Variants in TPM1 observed in about 807,000 individuals in gnomAD.
The protein encoded by TPM1 is tropomyosin 1, also known as tropomyosin alpha-1 chain.
A neutral mutation model predicts 42.9 loss-of-function variants in TPM1; 24 were observed. The ratio of observed to expected loss-of-function variants is 0.56; its 90% CI spans 0.41 to 0.79. TPM1 has a LOEUF of 0.79. Among genes scored for constraint, TPM1 ranks in the 30% least tolerant of loss-of-function variants. The pLI is 0.00. For missense variants in TPM1, 158 were observed against 351.8 expected (o/e 0.45, Z 4.41); for synonymous variants, 136 against 130.1 (o/e 1.05, Z -0.31).
chr15:63,068,572 C>G (rs142287645), downstream of TPM1, among the ~76,000 whole-genome samples: 194 of 152,254 alleles, frequency 1.3e-3, no homozygotes, highest in Non-Finnish European at 2.3e-3. Flanking sequence ...GTTAGCTTTT[C>G]AAGATCATGA....
chr15:63,048,769 AG>A, intron 2 of TPM1: 1 of 1,511,912 alleles, frequency 6.6e-7, no homozygotes. Flanking sequence ...GCAGCCCCGC[AG>A]GGCCCTCCTG....
At chr15:63,063,445 C>T (rs1432577304) in intron 8 of TPM1, 10 of 916,414 alleles carry the variant, frequency 1.1e-5, no homozygotes, top group South Asian at 5.0e-5. Flanking sequence ...TAAAGTGTGG[C>T]GCCCATTGCT....
chr15:63,053,125 C>T (rs772533164), intron 2 of TPM1, among the ~76,000 whole-genome samples: 3 of 152,180 alleles, frequency 2.0e-5, no homozygotes, highest in Admixed American at 2.0e-4. Flanking sequence ...GTAAATGTTC[C>T]GTGTCCTTAT....
downstream of TPM1, chr15:63,070,954 T>C (rs760378631): frequency 6.6e-7 from 1 of 1,504,160 alleles, no homozygotes; most frequent in Non-Finnish European, 8.9e-7. Flanking sequence ...TAGAAATGAG[T>C]AATGTCTTAC....
At chr15:63,055,132 A>G (rs1169915538) in intron 2 of TPM1, among the ~76,000 whole-genome samples, 1 of 152,184 alleles carries the variant, frequency 6.6e-6, no homozygotes, top group Non-Finnish European at 1.5e-5. Context: ...CAGAAACAAC[A>G]GTCATCTGCC....
In TPM1 at chr15:63,065,996, C is replaced by T; in HGVS notation, c.*97C>T. 1 of 1,566,944 alleles carries T rather than the reference C, an allele frequency of 6.4e-7. No individual in the cohort carries two copies. Among genetic ancestry groups the T allele is most frequent in the Non-Finnish European group, 8.7e-7 (1 of 1,155,648 alleles). ...GTCTATTCTCCAGCTGACCCTGGTT[C>T]TCTCTCTTAGCATCCTGCCTTAGAG... On this transcript the variant is annotated 3_prime_UTR_variant, in exon 10 of 10. Transcript: ENST00000403994.
chr15:63,069,280 TGTG>T (rs1183873515), downstream of TPM1, among the ~76,000 whole-genome samples: 13 of 152,288 alleles, frequency 8.5e-5, no homozygotes, highest in East Asian at 1.7e-3. Context: ...TACCCTGTAT[TGTG>T]GTGACTGGGG....
At chr15:63,066,627 A>G (rs1427205509), downstream of TPM1, among the ~76,000 whole-genome samples, 1 of 152,240 alleles carries the variant, frequency 6.6e-6, no homozygotes, top group East Asian at 1.9e-4. Flanking sequence ...CTTGGATTCA[A>G]ACAATGTAAG....
At chr15:63,051,191 T>G (rs779024553) in intron 2 of TPM1, among the ~76,000 whole-genome samples, 16 of 152,038 alleles carry the variant, frequency 1.1e-4, no homozygotes, top group Non-Finnish European at 1.9e-4. Flanking sequence ...AGACAGGGAG[T>G]TGTGGCCAGA....
intron 8 of TPM1, among the ~76,000 whole-genome samples, chr15:63,063,619 T>A (rs1244716504): frequency 6.6e-6 from 1 of 152,178 alleles, no homozygotes; most frequent in Non-Finnish European, 1.5e-5. Flanking sequence ...CACAAATTGT[T>A]CTTCCAAAAC....
At chr15:63,056,126 G>A (rs1175269716) in intron 2 of TPM1, 1 of 152,230 alleles carries the variant, frequency 6.6e-6, no homozygotes, top group Non-Finnish European at 1.5e-5. Flanking sequence ...GGGCCTTCAT[G>A]TGGTGTGTAT....
intron 9 of TPM1, 78 bp downstream of exon 9, chr15:63,064,220 C>T: frequency 6.4e-7 from 1 of 1,563,310 alleles, no homozygotes; most frequent in Non-Finnish European, 8.7e-7. Context: ...GCCTTCCTTG[C>T]TCCCTAATCT....
intron 4 of TPM1, among the ~76,000 whole-genome samples, chr15:63,060,314 A>G (rs2035442831): frequency 6.6e-6 from 1 of 152,126 alleles, no homozygotes; most frequent in African/African-American, 2.4e-5. Flanking sequence ...AGATTACACT[A>G]TGCTCACAAG....
chr15:63,061,355 A>G, intron 5 of TPM1: 10 of 1,290,492 alleles, frequency 7.7e-6, no homozygotes, highest in Non-Finnish European at 7.9e-6. Flanking sequence ...TTCGTTTGGT[A>G]TAACGACTGC....
At chr15:63,052,766 A>C (rs1265097943) in intron 2 of TPM1, among the ~76,000 whole-genome samples, 1 of 152,084 alleles carries the variant, frequency 6.6e-6, no homozygotes, top group Admixed American at 6.6e-5. Flanking sequence ...TAAGCTCAAA[A>C]CTTAAAAAAA....
In TPM1 at chr15:63,049,743, A is replaced by C. The variant is rs1326671689; in HGVS notation, c.240+5591A>C. Among the ~76,000 whole-genome samples, 3 of 152,346 alleles carry C rather than the reference A, an allele frequency of 2.0e-5. No individual in the cohort carries two copies. The East Asian group carries it at 5.8e-4, about 29-fold the overall frequency. On this transcript the variant is annotated intron_variant, in intron 2 of 9. Coordinates refer to ENST00000403994, the MANE Select transcript of TPM1 (RefSeq NM_001018005.2). ...ACCTGAAATGGTCCTCTTCAGAGGA[A>C]AGCTCAACTAGAGAAAGTTTCAGAT...
At chr15:63,063,032 C>T (rs900678504) in intron 8 of TPM1, 2 of 1,318,334 alleles carry the variant, frequency 1.5e-6, no homozygotes, top group African/African-American at 3.0e-5. Flanking sequence ...TTAGAAGAAC[C>T]CATCTTCTTC....
At chr15:63,054,910 C>T (rs2034532108) in intron 2 of TPM1, among the ~76,000 whole-genome samples, 1 of 150,652 alleles carries the variant, frequency 6.6e-6, no homozygotes, top group East Asian at 1.9e-4. Context: ...TTTGAGTCTC[C>T]CCCCCACCCT....
At chr15:63,056,291 G>A (rs943973110) in intron 2 of TPM1, 1 of 152,602 alleles carries the variant, frequency 6.6e-6, no homozygotes, top group African/African-American at 2.4e-5. Context: ...TCTTGTCTCA[G>A]TTCACACTTC....
Sources: allele counts gnomAD v4.1 joint callset (sites outside exome capture counted in the v4.1 genomes callset), GRCh38; gene constraint gnomAD v4.1.1; transcripts MANE v1.5; gene names NCBI Gene and HGNC (gene_info 2026-07-23, HGNC 2026-07-21).